C1orf87: variants seen among roughly 807,000 people sequenced by gnomAD.
C1orf87 encodes chromosome 1 open reading frame 87.
A neutral mutation model predicts 60.5 loss-of-function variants in C1orf87; 58 were observed. The observed-to-expected ratio is 0.96, with a 90% CI of 0.78 to 1.19. The LOEUF (loss-of-function observed/expected upper bound fraction) is 1.19, where lower values mean the gene tolerates loss of function less well. Among genes scored for constraint, C1orf87 ranks in the 50% most tolerant of loss-of-function variants. The pLI, the probability that C1orf87 is intolerant of heterozygous loss-of-function variation, is 0.00. For missense variants in C1orf87, 673 were observed against 638.6 expected (o/e 1.05, Z -0.58); for synonymous variants, 236 against 227.4 (o/e 1.04, Z -0.34).
rs371596744 is a variant in C1orf87 at position 59,990,729 on chromosome 1, G to A, written c.1585C>T (p.Arg529Cys). The change falls in exon 12 of 12, where the codon CGT becomes TGT. Residue 529 changes from arginine to cysteine, a missense_variant. Transcript: ENST00000371201. ...TCCAAGAGCATATTTTCTCCCGAACGGAATCTGCGCAAGGCCTGGTCGATT... is the reference window on the plus strand; with the variant it reads ...TCCAAGAGCATATTTTCTCCCGAACAGAATCTGCGCAAGGCCTGGTCGATT... ...QKIDQALRRF[R>C]SGENMLLEPA... The A allele has an allele frequency of 2.2e-5, 36 of 1,614,040 alleles. No homozygotes were observed. Among genetic ancestry groups the A allele is most frequent in the East Asian group, 2.2e-4 (10 of 44,884 alleles).
At chr1:59,993,756 C>CT (rs768907279) in intron 11 of C1orf87, among the ~76,000 whole-genome samples, 12,335 of 129,200 alleles carry the variant, frequency 0.095, 786 homozygotes, top group East Asian at 0.15. Flanking sequence ...AATAAGAATC[C>CT]TTTTTTTTTT....
intron 8 of C1orf87, among the ~76,000 whole-genome samples, chr1:60,021,937 T>C (rs1294975887): frequency 3.3e-5 from 5 of 152,098 alleles, no homozygotes; most frequent in Non-Finnish European, 7.4e-5. Flanking sequence ...TAAGGATATC[T>C]GTGGGAAGAG....
intron 9 of C1orf87, among the ~76,000 whole-genome samples, chr1:60,001,723 C>T (rs1473583553): frequency 6.6e-6 from 1 of 152,032 alleles, no homozygotes; most frequent in Non-Finnish European, 1.5e-5. Context: ...AACCTCTGCC[C>T]CTCCTTTTAC....
chr1:60,039,726 G>A (rs1017513614), intron 5 of C1orf87, among the ~76,000 whole-genome samples, 191 bp downstream of exon 5: 7 of 152,194 alleles, frequency 4.6e-5, no homozygotes, highest in South Asian at 2.1e-4. Flanking sequence ...GAAACAGAGC[G>A]AAGAGACCTA....
chr1:60,060,556 A>G (rs1448756958), intron 2 of C1orf87, among the ~76,000 whole-genome samples: 1 of 152,176 alleles, frequency 6.6e-6, no homozygotes, highest in Non-Finnish European at 1.5e-5. Context: ...AAAGTTCAAA[A>G]AGTAAAGGTT....
Position 60,025,836 on chromosome 1 carries a change from T to C in C1orf87, c.1030-338A>G, listed in dbSNP as rs1336280529. 2.0e-5 allele frequency among the ~76,000 whole-genome samples: 3 copies of C among 152,230 alleles called. No homozygotes were observed. The East Asian group carries it at 5.8e-4, about 29-fold the overall frequency. On this transcript the variant is annotated intron_variant, in intron 7 of 11. Transcript: ENST00000371201. ...CCTATGTATTACACATACTTGATTA[T>C]ATAGGTAAATTGCTAAATGTTTTTG... is the stretch of plus-strand genomic sequence containing the variant.
At chr1:60,055,973 A>G (rs1248226711) in intron 2 of C1orf87, among the ~76,000 whole-genome samples, 3 of 152,078 alleles carry the variant, frequency 2.0e-5, no homozygotes, top group Non-Finnish European at 4.4e-5. Context: ...TTAACAACTA[A>G]AAGTCCTCAC....
intron 2 of C1orf87, among the ~76,000 whole-genome samples, chr1:60,070,213 C>T (rs527720500): frequency 1.3e-5 from 2 of 152,196 alleles, no homozygotes; most frequent in Non-Finnish European, 2.9e-5. Flanking sequence ...AGGCTACCTT[C>T]AAGTCTGTCA....
intron 2 of C1orf87, among the ~76,000 whole-genome samples, chr1:60,062,648 T>C (rs897312595): frequency 3.3e-5 from 5 of 152,174 alleles, no homozygotes; most frequent in African/African-American, 1.2e-4. Flanking sequence ...TCTAGGTCTA[T>C]TGCCAATTAT....
At chr1:59,997,527 A>G in intron 11 of C1orf87, 82 bp downstream of exon 11, 2 of 1,279,518 alleles carry the variant, frequency 1.6e-6, no homozygotes, top group Non-Finnish European at 2.2e-6. Flanking sequence ...CATTTGTTCA[A>G]GAGGCAAAAG....
chr1:60,030,385 T>A (rs953960243), intron 7 of C1orf87, among the ~76,000 whole-genome samples: 1 of 151,834 alleles, frequency 6.6e-6, no homozygotes, highest in Non-Finnish European at 1.5e-5. Context: ...CAGAAGGAGG[T>A]CTTACAGTCC....
rs752863854 is a variant in C1orf87, at chr1:60,055,279, T to G, written c.267A>C (p.Pro89=). The G allele has an allele frequency of 8.7e-6, 14 of 1,614,088 alleles. No individual in the cohort carries two copies. The South Asian group carries it at 1.4e-4, about 16-fold the overall frequency. Residue 89 remains proline (P), a synonymous_variant, in exon 3 of 12, where the codon CCA becomes CCC. Coordinates refer to ENST00000371201, the MANE Select transcript of C1orf87 (RefSeq NM_152377.3). ...NPDDVKEKKH[P]ENNQKSENNQ... ...TGTTTTCTGATTTCTGGTTGTTCTC[T>G]GGGTGCTTTTTCTCTTTCACATCAT... is the stretch of plus-strand genomic sequence containing the variant.
intron 3 of C1orf87, among the ~76,000 whole-genome samples, chr1:60,046,086 T>C (rs2100304691): frequency 6.6e-6 from 1 of 151,666 alleles, no homozygotes; most frequent in South Asian, 2.1e-4. Flanking sequence ...CCTTCCTTCC[T>C]GCTTTTCTCT....
At position 60,063,973 on chromosome 1, in the gene C1orf87, A is replaced by G. The variant is rs548799149; in HGVS notation, c.108-8535T>C. ...AACATTTGAGTCAGTGGGCTGGGAAAGGCAGACCCACCCTCAATCTGGGTG... is the reference window on the plus strand; with the variant it reads ...AACATTTGAGTCAGTGGGCTGGGAAGGGCAGACCCACCCTCAATCTGGGTG... On this transcript the variant is annotated intron_variant, in intron 2 of 11. Coordinates refer to ENST00000371201, the MANE Select transcript of C1orf87 (RefSeq NM_152377.3). Among the ~76,000 whole-genome samples the G allele has an allele frequency of 2.0e-5, 3 of 152,144 alleles. No homozygotes were observed. In the South Asian group the frequency reaches 6.2e-4, roughly 32 times the overall value.
At chr1:59,991,733 T>C (rs898977118) in intron 11 of C1orf87, among the ~76,000 whole-genome samples, 1 of 152,200 alleles carries the variant, frequency 6.6e-6, no homozygotes, top group Non-Finnish European at 1.5e-5. Flanking sequence ...CTGCAGGATA[T>C]GCTCTGGTAC....
rs569969057 is a variant in C1orf87, at chr1:60,021,002, T to TCATG, written c.1127+4395_1127+4398dup. On this transcript the variant is annotated intron_variant, in intron 8 of 11. Coordinates refer to ENST00000371201, the MANE Select transcript of C1orf87 (RefSeq NM_152377.3). ...TGTTCTTGTGATGGTGAGTGAATTC[T>TCATG]CATGAGGTTTGATGGTTTAAAACTG... Among the ~76,000 whole-genome samples, 328 of 152,258 alleles carry TCATG rather than the reference T, an allele frequency of 2.2e-3. 1 individual carries two copies. Among genetic ancestry groups the TCATG allele is most frequent in the African/African-American group, 7.4e-3 (309 of 41,556 alleles).
rs1163511929 is a variant in C1orf87 at position 60,040,033 on chromosome 1, C to T, written c.631G>A (p.Gly211Arg). Residue 211 changes from glycine to arginine, a missense_variant, in exon 5 of 12, where the codon GGA (glycine) becomes AGA (arginine). Transcript: ENST00000371201. ...ELKILDPISS[G>R]FLLQSQLSRL... ...CTCAGCTGAGATTGGAGAAGAAATC[C>T]TGAAGAGATTGGGTCCAGGATCTTC... is the stretch of plus-strand genomic sequence containing the variant. The T allele has an allele frequency of 1.8e-5, 29 of 1,614,062 alleles. No homozygotes were observed. The highest frequency in any genetic ancestry group is 2.3e-5 in the Non-Finnish European group (27 of 1,180,036).
intron 11 of C1orf87, among the ~76,000 whole-genome samples, chr1:59,996,815 T>TTA (rs1375865484): frequency 6.6e-6 from 1 of 152,186 alleles, no homozygotes; most frequent in Non-Finnish European, 1.5e-5. Context: ...ATTTGGTTAT[T>TTA]TACGCACACT....
chr1:60,001,933 A>C (rs117853923), intron 9 of C1orf87, among the ~76,000 whole-genome samples: 1 of 152,042 alleles, frequency 6.6e-6, no homozygotes, highest in South Asian at 2.1e-4. Context: ...GAAAAACACA[A>C]ACAAATATTA....
Sources: allele counts gnomAD v4.1 joint callset (sites outside exome capture counted in the v4.1 genomes callset), GRCh38; gene constraint gnomAD v4.1.1; transcripts MANE v1.5; gene names NCBI Gene and HGNC (gene_info 2026-07-23, HGNC 2026-07-21).